EPHA6: variants seen among roughly 807,000 people sequenced by gnomAD.
EPHA6 encodes the protein EPH receptor A6, also known as ephrin type-A receptor 6.
EPHA6 carries 50 observed loss-of-function variants against 112.0 expected under a neutral mutation model. That is an observed-to-expected ratio of 0.45 (90% CI 0.36 to 0.56). EPHA6 has a LOEUF of 0.56. EPHA6 is among the 20% of genes least tolerant of loss of function. EPHA6 has a pLI of 0.00. For missense variants in EPHA6, 1,280 were observed against 1,417.4 expected (o/e 0.90, Z 1.56); for synonymous variants, 529 against 490.7 (o/e 1.08, Z -1.03).
intron 3 of EPHA6, among the ~76,000 whole-genome samples, chr3:97,179,793 A>G (rs2076939063): frequency 6.8e-6 from 1 of 146,566 alleles, no homozygotes; most frequent in African/African-American, 2.6e-5. Flanking sequence ...GTGGGGTGTT[A>G]CAATTGCTTC....
intron 10 of EPHA6, among the ~76,000 whole-genome samples, chr3:97,531,049 C>A (rs979619109): frequency 2.0e-5 from 3 of 151,946 alleles, no homozygotes; most frequent in South Asian, 4.1e-4. Context: ...ATTTTAATTT[C>A]TTTCATCCTT....
chr3:96,887,074 T>C lies in EPHA6; in HGVS notation c.450+20185T>C, dbSNP rs182346738. ...GCTTATTGACTAACGTCCTGAATTC[T>C]TTTTGAGGTAAATCAGGGATTTCTT... On this transcript the variant is annotated intron_variant, in intron 2 of 17. Coordinates refer to ENST00000389672, the MANE Select transcript of EPHA6 (RefSeq NM_001080448.3). Among the ~76,000 whole-genome samples the C allele has an allele frequency of 3.3e-3, 510 of 152,312 alleles. 4 individuals are homozygous for C. Among genetic ancestry groups the C allele is most frequent in the African/African-American group, 0.012 (485 of 41,578 alleles).
chr3:96,893,525 G>A (rs1469094395), intron 2 of EPHA6, among the ~76,000 whole-genome samples: 2 of 152,186 alleles, frequency 1.3e-5, no homozygotes, highest in Non-Finnish European at 1.5e-5. Flanking sequence ...GGATTATTTA[G>A]GTGGGAAATT....
intron 1 of EPHA6, among the ~76,000 whole-genome samples, chr3:96,856,205 A>C (rs1201604845): frequency 6.6e-6 from 1 of 152,078 alleles, no homozygotes; most frequent in East Asian, 1.9e-4. Flanking sequence ...GCGCCACTGC[A>C]CATCAGCCTG....
intron 5 of EPHA6, among the ~76,000 whole-genome samples, chr3:97,357,324 A>C (rs1212412975): frequency 6.6e-6 from 1 of 152,060 alleles, no homozygotes; most frequent in African/African-American, 2.4e-5. Context: ...CTTGTGCCTA[A>C]CCCTCTCAAG....
intron 13 of EPHA6, among the ~76,000 whole-genome samples, chr3:97,611,505 G>A (rs770970503): frequency 2.0e-5 from 3 of 151,682 alleles, no homozygotes; most frequent in Non-Finnish European, 4.4e-5. Flanking sequence ...AGATTTCAAG[G>A]TATATTTATA....
chr3:97,361,851 A>G (rs2084391888), intron 5 of EPHA6, among the ~76,000 whole-genome samples: 1 of 152,202 alleles, frequency 6.6e-6, no homozygotes, highest in Non-Finnish European at 1.5e-5. Context: ...TGAAGGCAAT[A>G]AACATTAAAA....
At chr3:97,314,913 A>G (rs2081743444) in intron 5 of EPHA6, among the ~76,000 whole-genome samples, 1 of 151,648 alleles carries the variant, frequency 6.6e-6, no homozygotes, top group Admixed American at 6.6e-5. Flanking sequence ...TTTATCTAGC[A>G]AGAGGTGTTT....
intron 14 of EPHA6, among the ~76,000 whole-genome samples, chr3:97,714,599 A>G (rs948025490): frequency 6.6e-6 from 1 of 152,228 alleles, no homozygotes; most frequent in Non-Finnish European, 1.5e-5. Context: ...ACAAACTAGG[A>G]AGTGATGCAC....
intron 14 of EPHA6, among the ~76,000 whole-genome samples, chr3:97,642,898 C>T (rs1379109404): frequency 6.8e-6 from 1 of 146,172 alleles, no homozygotes; most frequent in South Asian, 2.3e-4. Flanking sequence ...TCTCCCCAAT[C>T]TAGCAAGGCA....
Position 96,954,773 on chromosome 3 carries a change from C to CTTTTTTT in EPHA6, c.451-32532_451-32526dup, listed in dbSNP as rs10612575. Among the ~76,000 whole-genome samples, 30 of 72,690 alleles carry CTTTTTTT rather than the reference C, an allele frequency of 4.1e-4. 3 individuals carry two copies. Among genetic ancestry groups the CTTTTTTT allele is most frequent in the African/African-American group, 1.5e-3 (27 of 18,172 alleles). 47.7% of individuals were successfully genotyped at this position (72,690 alleles called of 152,430 possible). On this transcript the variant is annotated intron_variant, in intron 2 of 17. Coordinates refer to ENST00000389672, the MANE Select transcript of EPHA6 (RefSeq NM_001080448.3). ...TAGTCTTAAATTTTTACTGGTGTGC[C>CTTTTTTT]TTTTTTTTTTTTTTTTTTTTTTTTT...
At chr3:96,896,083 G>A (rs751236698) in intron 2 of EPHA6, among the ~76,000 whole-genome samples, 2 of 152,064 alleles carry the variant, frequency 1.3e-5, no homozygotes, top group African/African-American at 2.4e-5. Context: ...ATGTATCCCC[G>A]TTGTTAAGCA....
intron 1 of EPHA6, among the ~76,000 whole-genome samples, chr3:96,857,178 T>C (rs1281459131): frequency 6.6e-6 from 1 of 152,178 alleles, no homozygotes; most frequent in Non-Finnish European, 1.5e-5. Context: ...GAATGAAATA[T>C]TTTCCATTTG....
At chr3:97,614,193 C>CA (rs746170013) in intron 13 of EPHA6, among the ~76,000 whole-genome samples, 1 of 151,830 alleles carries the variant, frequency 6.6e-6, no homozygotes, top group Admixed American at 6.6e-5. Flanking sequence ...ATGTCAACCA[C>CA]AAAAAAATTC....
intron 12 of EPHA6, among the ~76,000 whole-genome samples, chr3:97,600,389 T>G (rs1257830209): frequency 6.6e-6 from 1 of 151,058 alleles, no homozygotes. Flanking sequence ...TTCAGTATGA[T>G]ATTGGCTGTG....
At chr3:97,338,679 GC>G (rs2083168835) in intron 5 of EPHA6, among the ~76,000 whole-genome samples, 1 of 152,124 alleles carries the variant, frequency 6.6e-6, no homozygotes, top group South Asian at 2.1e-4. Context: ...TATGTCACTT[GC>G]CCAGTTTGCA....
intron 7 of EPHA6, among the ~76,000 whole-genome samples, chr3:97,460,857 T>G (rs1577474548): frequency 6.6e-6 from 1 of 152,158 alleles, no homozygotes; most frequent in Admixed American, 6.5e-5. Flanking sequence ...TACTCCCACA[T>G]GTTCATGCTG....
At chr3:97,353,884 G>T (rs1478069840) in intron 5 of EPHA6, among the ~76,000 whole-genome samples, 2 of 152,136 alleles carry the variant, frequency 1.3e-5, no homozygotes, top group South Asian at 2.1e-4. Context: ...GGCCACAGGG[G>T]TGCTTATGTT....
At chr3:97,733,872 A>G (rs2035143753) in intron 15 of EPHA6, among the ~76,000 whole-genome samples, 1 of 152,060 alleles carries the variant, frequency 6.6e-6, no homozygotes, top group African/African-American at 2.4e-5. Context: ...ATCACTACTA[A>G]AATTGTATTG....
Sources: gnomAD v4.1 joint callset for allele counts (sites outside exome capture counted in the v4.1 genomes callset) on GRCh38, gnomAD v4.1.1 for gene constraint, MANE v1.5 for transcripts, NCBI Gene and HGNC (gene_info 2026-07-23, HGNC 2026-07-21) for gene names.